Variants in RIC1 observed in about 807,000 individuals in gnomAD.
RIC1 encodes guanine nucleotide exchange factor subunit RIC1.
In RIC1, 88 loss-of-function variants were observed where a neutral mutation model predicts 169.0. That is an observed-to-expected ratio of 0.52 (90% confidence interval 0.44 to 0.62). The LOEUF (loss-of-function observed/expected upper bound fraction) is 0.62. RIC1 is among the 20% of genes least tolerant of loss of function. The probability of loss-of-function intolerance (pLI) is 0.00; values close to 1 mark genes in which losing one functional copy is unlikely to be tolerated. For missense variants in RIC1, 1,877 were observed against 1,725.5 expected, an observed-to-expected ratio of 1.09 and a Z score of -1.56; for synonymous variants, 790 against 601.5, an observed-to-expected ratio of 1.31 and a Z score of -4.59.
rs1013691599 is a variant in RIC1 at position 5,768,914 on chromosome 9, A to G, written c.3138-56A>G. The G allele has an allele frequency of 1.0e-5, 16 of 1,534,204 alleles. No individual in the cohort carries two copies. In the African/African-American group the frequency reaches 2.2e-4, roughly 21 times the overall value. On this transcript the variant is annotated intron_variant, in intron 21 of 25. Transcript: ENST00000414202. The stretch of plus-strand genomic sequence containing the variant: ...TTATCAGTACCTCTGCGTAATAAGG[A>G]TGTGAAATCCTCCAGTAAAGATTAT...
chr9:5,713,585 T>C (rs1377132367), intron 3 of RIC1: 2 of 215,144 alleles, frequency 9.3e-6, no homozygotes, highest in Non-Finnish European at 1.9e-5. Context: ...CTCAGGAATT[T>C]TAAACAAAAT....
chr9:5,665,291 G>T (rs891118725), intron 2 of RIC1, among the ~76,000 whole-genome samples: 2 of 152,122 alleles, frequency 1.3e-5, no homozygotes, highest in African/African-American at 4.8e-5. Flanking sequence ...CACTATTATT[G>T]TGTGGGAGTC....
rs530155917 is a variant in RIC1, at chr9:5,773,922, A to G, written c.3984-36A>G. 2.8e-5 allele frequency: 42 copies of G among 1,520,404 alleles called. No individual in the cohort carries two copies. The South Asian group carries it at 5.4e-4, about 19-fold the overall frequency. 94.2% of individuals were successfully genotyped at this position (1,520,404 alleles called of 1,614,324 possible). On this transcript the variant is annotated intron_variant, in intron 25 of 25. Transcript: ENST00000414202. ...AATGTTCTACCAAACCTTTTGAATT[A>G]TGGCAGATGAGCTAATGTTTTTTTT...
At chr9:5,749,022 G>A (rs990529927) in intron 12 of RIC1, among the ~76,000 whole-genome samples, 1 of 152,076 alleles carries the variant, frequency 6.6e-6, no homozygotes, top group Non-Finnish European at 1.5e-5. Context: ...ATGAAAATGG[G>A]CTCATAGAAT....
rs1440975140 is a variant in RIC1, at chr9:5,763,850, T to C, written c.2823T>C (p.Ser941=). The C allele has an allele frequency of 5.6e-6, 9 of 1,612,548 alleles. No individual in the cohort carries two copies. The highest frequency in any genetic ancestry group is 7.6e-6 in the Non-Finnish European group (9 of 1,178,852). ...LMAQDLDTAA[S]YLIILQNMEV... The stretch of plus-strand genomic sequence containing the variant: ...CTCAGGATTTGGACACAGCTGCCTC[T>C]TACCTTATTATCTTACAGGTAACAA... Residue 941 remains serine, a synonymous_variant, in exon 19 of 26, where the codon TCT becomes TCC. Coordinates refer to ENST00000414202, the MANE Select transcript of RIC1 (RefSeq NM_020829.4). The surrounding 1 kb of genome is among the most constrained non-coding windows in gnomAD (Gnocchi z 5.2).
At chr9:5,677,226 G>T (rs1003509581) in intron 2 of RIC1, among the ~76,000 whole-genome samples, 10 of 152,122 alleles carry the variant, frequency 6.6e-5, no homozygotes, top group African/African-American at 2.4e-4. Flanking sequence ...TTCTGGTAGT[G>T]GTGTAGTGAT....
chr9:5,708,974 G>A (rs540964562), intron 3 of RIC1, among the ~76,000 whole-genome samples: 18 of 151,240 alleles, frequency 1.2e-4, no homozygotes, highest in African/African-American at 1.7e-4. Context: ...CACTCATGTC[G>A]AATAGTCACA....
chr9:5,694,650 A>G (rs1441914170), intron 3 of RIC1, among the ~76,000 whole-genome samples: 1 of 152,208 alleles, frequency 6.6e-6, no homozygotes, highest in African/African-American at 2.4e-5. Context: ...AAACTCCCTT[A>G]TTGGCCACAC....
At chr9:5,709,050 A>C (rs921854695) in intron 3 of RIC1, among the ~76,000 whole-genome samples, 3 of 152,176 alleles carry the variant, frequency 2.0e-5, no homozygotes, top group Admixed American at 2.0e-4. Context: ...GATTTTGTAC[A>C]CTATATTAGT....
At chr9:5,667,860 A>G in intron 2 of RIC1, among the ~76,000 whole-genome samples, 1 of 152,110 alleles carries the variant, frequency 6.6e-6, no homozygotes, top group South Asian at 2.1e-4. Context: ...CCAGTTACCC[A>G]GCTCCAAAGT....
intron 6 of RIC1, among the ~76,000 whole-genome samples, chr9:5,731,480 T>G (rs912789598): frequency 3.3e-5 from 5 of 152,196 alleles, no homozygotes; most frequent in Admixed American, 3.3e-4. Flanking sequence ...TGTGATTATA[T>G]TGTATCTTTA....
At chr9:5,701,106 A>G (rs891578155) in intron 3 of RIC1, among the ~76,000 whole-genome samples, 2 of 152,220 alleles carry the variant, frequency 1.3e-5, no homozygotes, top group Non-Finnish European at 2.9e-5. Context: ...CATTAGTGCA[A>G]GTAAACAATA....
rs199908360 is a variant in RIC1 at position 5,673,640 on chromosome 9, T to TA, written c.253-16318dup. Among the ~76,000 whole-genome samples, 3 of 150,454 alleles carry TA rather than the reference T, an allele frequency of 2.0e-5. No individual in the cohort carries two copies. The East Asian group carries it at 5.8e-4, about 29-fold the overall frequency. ...TAGCAAAGTAAATAAGAAACTTCCA[T>TA]ACTTTGGAATATCACACAAATACTA... On this transcript the variant is annotated intron_variant, in intron 2 of 25. Coordinates refer to ENST00000414202, the MANE Select transcript of RIC1 (RefSeq NM_020829.4).
intron 6 of RIC1, among the ~76,000 whole-genome samples, chr9:5,729,895 G>A (rs1824257550): frequency 6.6e-6 from 1 of 151,474 alleles, no homozygotes; most frequent in Admixed American, 6.6e-5. Flanking sequence ...ATTATCTTTG[G>A]GACTTAAATG....
At chr9:5,690,299 C>T (rs190397989) in intron 3 of RIC1, among the ~76,000 whole-genome samples, 135 of 152,130 alleles carry the variant, frequency 8.9e-4, no homozygotes, top group African/African-American at 3.1e-3. Context: ...CCAGGTCTAG[C>T]ATTTCTCATT....
intron 3 of RIC1, among the ~76,000 whole-genome samples, chr9:5,696,505 C>A (rs1234840760): frequency 1.3e-5 from 2 of 152,090 alleles, no homozygotes; most frequent in Non-Finnish European, 1.5e-5. Context: ...TCTCCTATAT[C>A]CGCCCCTGTA....
Position 5,763,712 on chromosome 9 carries a change from C to T in RIC1, c.2685C>T (p.Pro895=). ...TGGCAAAATTTATCACTGAGTTCCC[C>T]CTCTTCCTGCAGACAGTTGTCCATT... ...PTVAKFITEF[P]LFLQTVVHCA... The change falls in exon 19 of 26, where the codon CCC becomes CCT. Residue 895 remains proline (P), a synonymous_variant. Coordinates refer to ENST00000414202, the MANE Select transcript of RIC1 (RefSeq NM_020829.4). The surrounding 1 kb of genome is among the most constrained non-coding windows in gnomAD (Gnocchi z 5.2). The T allele has an allele frequency of 5.6e-6, 9 of 1,614,184 alleles. No individual in the cohort carries two copies. The highest frequency in any genetic ancestry group is 6.8e-6 in the Non-Finnish European group (8 of 1,180,038).
chr9:5,717,153 T>C (rs901064788), intron 4 of RIC1, among the ~76,000 whole-genome samples: 1 of 152,238 alleles, frequency 6.6e-6, no homozygotes, highest in Non-Finnish European at 1.5e-5. Context: ...CTAGGTTACA[T>C]TTTCCTGTTT....
intron 1 of RIC1, among the ~76,000 whole-genome samples, chr9:5,639,400 A>G (rs905505862): frequency 1.5e-4 from 23 of 152,320 alleles, no homozygotes; most frequent in African/African-American, 5.5e-4. Flanking sequence ...AAGTGTTTAT[A>G]TGATTTCCAG....
Sources: gnomAD v4.1 joint callset for allele counts (sites outside exome capture counted in the v4.1 genomes callset) on GRCh38, gnomAD v4.1.1 for gene constraint, Gnocchi (gnomAD v3.1) non-coding constraint, MANE v1.5 for transcripts, NCBI Gene and HGNC (gene_info 2026-07-23, HGNC 2026-07-21) for gene names.